OR51B5: variants seen among roughly 807,000 people sequenced by gnomAD.
OR51B5 encodes the protein olfactory receptor 51B5.
For synonymous variants in OR51B5, 186 were observed against 144.8 expected (o/e 1.28, Z -2.04); for missense variants, 456 against 374.6 (o/e 1.22, Z -1.79).
At chr11:5,458,081 T>C (rs1007877188) in intron 1 of OR51B5, among the ~76,000 whole-genome samples, 3 of 152,180 alleles carry the variant, frequency 2.0e-5, no homozygotes, top group Non-Finnish European at 4.4e-5. Flanking sequence ...TATTCTAGGA[T>C]TTTTATAGTT....
At chr11:5,419,404 C>T (rs972894795) in intron 1 of OR51B5, among the ~76,000 whole-genome samples, 1 of 152,142 alleles carries the variant, frequency 6.6e-6, no homozygotes, top group African/African-American at 2.4e-5. Context: ...TTGTGGGTTC[C>T]ACATTCATGG....
At chr11:5,478,282 A>C (rs1442432139) in intron 1 of OR51B5, among the ~76,000 whole-genome samples, 3 of 152,012 alleles carry the variant, frequency 2.0e-5, no homozygotes, top group Non-Finnish European at 4.4e-5. Flanking sequence ...GTATTCCAAC[A>C]GACTTGCAGC....
upstream of OR51B5, chr11:5,346,887 G>C (rs1451977957): frequency 6.6e-6 from 1 of 152,094 alleles, no homozygotes; most frequent in Non-Finnish European, 1.5e-5. Flanking sequence ...TAAAGACTTA[G>C]ATCATGTTGT....
chr11:5,434,736 G>T (rs972095252), intron 1 of OR51B5, among the ~76,000 whole-genome samples: 1 of 152,180 alleles, frequency 6.6e-6, no homozygotes, highest in Non-Finnish European at 1.5e-5. Flanking sequence ...GACAACCAGA[G>T]GGGCAATTTC....
chr11:5,357,956 A>G (rs1849220505), intron 1 of OR51B5, among the ~76,000 whole-genome samples: 1 of 152,146 alleles, frequency 6.6e-6, no homozygotes, highest in Non-Finnish European at 1.5e-5. Context: ...GAACAAAGAC[A>G]CAACATACCA....
intron 1 of OR51B5, chr11:5,441,493 G>A: frequency 6.2e-7 from 1 of 1,612,130 alleles, no homozygotes; most frequent in South Asian, 1.1e-5. Context: ...GGCTGGAAGG[G>A]GGTGCCATTG....
At chr11:5,445,367 G>A (rs1850744762) in intron 1 of OR51B5, among the ~76,000 whole-genome samples, 1 of 152,084 alleles carries the variant, frequency 6.6e-6, no homozygotes, top group Admixed American at 6.6e-5. Context: ...ATTTAAGTGT[G>A]TTATGTATTT....
At chr11:5,478,682 G>C (rs980410584) in intron 1 of OR51B5, among the ~76,000 whole-genome samples, 1 of 151,598 alleles carries the variant, frequency 6.6e-6, no homozygotes, top group African/African-American at 2.4e-5. Context: ...TGATGGAGCT[G>C]AAAACCAAGG....
intron 1 of OR51B5, chr11:5,389,324 ATGT>A: frequency 1.5e-6 from 2 of 1,377,810 alleles, no homozygotes; most frequent in Middle Eastern, 1.8e-4. Context: ...ACTGCTTGTG[ATGT>A]TGTGAATGTT....
At chr11:5,366,841 G>A (rs1849376897) in intron 1 of OR51B5, among the ~76,000 whole-genome samples, 1 of 152,104 alleles carries the variant, frequency 6.6e-6, no homozygotes, top group African/African-American at 2.4e-5. Flanking sequence ...CCCAAGCACG[G>A]GTCTCTGTGC....
At chr11:5,425,112 C>T (rs1421635705) in intron 1 of OR51B5, among the ~76,000 whole-genome samples, 2 of 148,450 alleles carry the variant, frequency 1.3e-5, no homozygotes, top group Non-Finnish European at 3.0e-5. Context: ...TTAATAGAAA[C>T]ATGGGTCTGC....
chr11:5,378,532 C>T (rs766972997), intron 1 of OR51B5, among the ~76,000 whole-genome samples: 1 of 152,052 alleles, frequency 6.6e-6, no homozygotes, highest in African/African-American at 2.4e-5. Flanking sequence ...GCAACCTACA[C>T]AATGGGAGAA....
chr11:5,377,650 A>G (rs2133714278), intron 1 of OR51B5, among the ~76,000 whole-genome samples: 1 of 152,312 alleles, frequency 6.6e-6, no homozygotes, highest in South Asian at 2.1e-4. Context: ...AATCACAAGC[A>G]TTCTTATACA....
At chr11:5,409,000 G>T (rs1446370071) in intron 1 of OR51B5, among the ~76,000 whole-genome samples, 1 of 151,982 alleles carries the variant, frequency 6.6e-6, no homozygotes, top group African/African-American at 2.4e-5. Context: ...CCAACTTGTT[G>T]ATCTATAGGT....
intron 1 of OR51B5, among the ~76,000 whole-genome samples, chr11:5,377,391 A>C (rs1849544056): frequency 6.6e-6 from 1 of 152,212 alleles, no homozygotes; most frequent in Non-Finnish European, 1.5e-5. Context: ...TTCCCTTTGT[A>C]AACTGGCACA....
At chr11:5,352,050 TGTCATC>T in intron 1 of OR51B5, 1 of 1,614,062 alleles carries the variant, frequency 6.2e-7, no homozygotes. Flanking sequence ...TACACCAAGA[TGTCATC>T]AAGCTAGCCT....
At position 5,342,787 on chromosome 11, in the gene OR51B5, G is replaced by T. The variant is rs769286511; in HGVS notation, c.738C>A (p.Val246=). The T allele has an allele frequency of 1.1e-5, 18 of 1,613,620 alleles. No individual in the cohort carries two copies. The South Asian group carries it at 2.0e-4, about 18-fold the overall frequency. The change falls in exon 1 of 1, where the codon GTC becomes GTA. Residue 246 remains valine, a synonymous_variant. Transcript: ENST00000300773. ...CAATCACTGTGACATAAAAAACCAGGACACAGCAGATATGGGAGACACAGG... is the reference window on the plus strand; with the variant it reads ...CAATCACTGTGACATAAAAAACCAGTACACAGCAGATATGGGAGACACAGG...
At chr11:5,436,278 A>T (rs1425752267) in intron 1 of OR51B5, among the ~76,000 whole-genome samples, 2 of 152,186 alleles carry the variant, frequency 1.3e-5, no homozygotes, top group Admixed American at 1.3e-4. Flanking sequence ...TGTAAGAAAC[A>T]CTTTTCTAAA....
intron 1 of OR51B5, among the ~76,000 whole-genome samples, chr11:5,417,354 G>A (rs1328693240): frequency 6.6e-6 from 1 of 151,932 alleles, no homozygotes; most frequent in East Asian, 1.9e-4. Flanking sequence ...TACCATTCAG[G>A]ACATAGGCAA....
Sources: gnomAD v4.1 joint callset for allele counts (sites outside exome capture counted in the v4.1 genomes callset) on GRCh38, gnomAD v4.1.1 for gene constraint, MANE v1.5 for transcripts, NCBI Gene and HGNC (gene_info 2026-07-23, HGNC 2026-07-21) for gene names.